Variants in DMD observed in about 807,000 individuals in gnomAD.
The protein encoded by DMD is mutant dystrophin.
Under a neutral mutation model 330.1 loss-of-function variants are expected in DMD, and 63 were observed. That is an observed-to-expected ratio of 0.19 (90% CI 0.16 to 0.24). DMD has a LOEUF of 0.24. DMD is among the 10% of genes least tolerant of loss of function. DMD has a pLI of 1.00. For missense variants in DMD, 3,344 were observed against 2,684.1 expected, an observed-to-expected ratio of 1.25 and a Z score of -5.43; for synonymous variants, 1,223 against 959.8, an observed-to-expected ratio of 1.27 and a Z score of -5.07.
chrX:31,241,985 G>A (rs1028022624), intron 63 of DMD, among the ~76,000 whole-genome samples: 5 of 110,848 alleles, frequency 4.5e-5, no homozygotes, highest in Non-Finnish European at 7.6e-5. Flanking sequence ...GGCCAGGCGC[G>A]GTGGCTCATT....
chrX:31,904,729 T>G (rs1413339583), intron 47 of DMD, among the ~76,000 whole-genome samples: 1 of 111,286 alleles, frequency 9.0e-6, no homozygotes. Context: ...AGCTTTCAAA[T>G]GAGACCCTAG....
chrX:31,946,780 C>T (rs995921959), intron 45 of DMD, among the ~76,000 whole-genome samples: 21 of 108,830 alleles, frequency 1.9e-4, no homozygotes, highest in African/African-American at 5.0e-4. Context: ...TGTATGTTTA[C>T]GAAAACTGAA....
intron 9 of DMD, among the ~76,000 whole-genome samples, chrX:32,683,551 C>A (rs1422669060): frequency 9.7e-6 from 1 of 103,011 alleles, no homozygotes; most frequent in Non-Finnish European, 2.0e-5. Flanking sequence ...GGACAAAAAA[C>A]CAAACACCGC....
At chrX:31,946,966 G>C (rs141342748) in intron 45 of DMD, among the ~76,000 whole-genome samples, 2,238 of 110,750 alleles carry the variant, frequency 0.02, 61 homozygotes, top group African/African-American at 0.07. Context: ...TAAAATAAAA[G>C]GCCATTAACG....
chrX:32,423,612 C>T (rs924414845), intron 29 of DMD, among the ~76,000 whole-genome samples: 7 of 110,021 alleles, frequency 6.4e-5, no homozygotes, highest in South Asian at 3.8e-4. Context: ...TATAATATTT[C>T]GGAAAAGTAA....
chrX:32,298,976 C>T (rs756710311), intron 42 of DMD, among the ~76,000 whole-genome samples: 1 of 111,177 alleles, frequency 9.0e-6, no homozygotes, highest in East Asian at 2.9e-4. Context: ...GGTTCTGTTG[C>T]CATGGTGGGA....
In DMD at chrX:31,280,828, T is replaced by C. The variant is rs191095550; in HGVS notation, c.9225-19812A>G. ...TTAAAGGTTAATGAATTATATCCTCTCATCCAATACAGAAATTGCCTTTAG... is the reference window on the plus strand; with the variant it reads ...TTAAAGGTTAATGAATTATATCCTCCCATCCAATACAGAAATTGCCTTTAG... On this transcript the variant is annotated intron_variant, in intron 62 of 78. Transcript: ENST00000357033. Among the ~76,000 whole-genome samples, 82 of 111,934 alleles carry C rather than the reference T, an allele frequency of 7.3e-4. 1 individual carries two copies. Among genetic ancestry groups the C allele is most frequent in the Non-Finnish European group, 1.4e-3 (76 of 53,174 alleles).
In DMD at chrX:32,777,529, T is replaced by C. The variant is rs766365344; in HGVS notation, c.649+31964A>G. Among the ~76,000 whole-genome samples, 65 of 110,861 alleles carry C rather than the reference T, an allele frequency of 5.9e-4. No homozygotes were observed. The Middle Eastern group carries it at 0.019, about 32-fold the overall frequency. On this transcript the variant is annotated intron_variant, in intron 7 of 78. Transcript: ENST00000357033. ...TTATTTCAGTCATTGGGGAAAGTTA[T>C]GCTTCCTTCAGATGGGGTGATTAGA...
intron 1 of DMD, among the ~76,000 whole-genome samples, chrX:33,205,357 G>A (rs2051505820): frequency 8.9e-6 from 1 of 112,195 alleles, no homozygotes; most frequent in African/African-American, 3.2e-5. Flanking sequence ...ATGAAAATAC[G>A]TGGGCCATTC....
chrX:33,103,960 C>T (rs113121706), intron 1 of DMD, among the ~76,000 whole-genome samples: 4,976 of 111,356 alleles, frequency 0.045, 260 homozygotes, highest in African/African-American at 0.15. Flanking sequence ...AGAACGATAA[C>T]TCAAATTTAA....
At chrX:32,172,497 C>T (rs1197547272) in intron 44 of DMD, among the ~76,000 whole-genome samples, 1 of 111,857 alleles carries the variant, frequency 8.9e-6, no homozygotes, top group African/African-American at 3.2e-5. Flanking sequence ...CTCCCTCTCC[C>T]TTCTCTCAAC....
chrX:32,252,534 A>G (rs1449499113), intron 43 of DMD, among the ~76,000 whole-genome samples: 1 of 99,508 alleles, frequency 1.0e-5, no homozygotes, highest in Non-Finnish European at 2.0e-5. Context: ...AAATGAATAC[A>G]GAAATAAAAA....
At chrX:32,992,275 A>G (rs1407182075) in intron 2 of DMD, among the ~76,000 whole-genome samples, 1 of 112,046 alleles carries the variant, frequency 8.9e-6, no homozygotes, top group Non-Finnish European at 1.9e-5. Flanking sequence ...CAGTTTAAAA[A>G]TCCAAACAAT....
chrX:32,438,203 C>T, intron 29 of DMD, 38 bp downstream of exon 29: 3 of 1,194,676 alleles, frequency 2.5e-6, no homozygotes, highest in East Asian at 5.9e-5. Flanking sequence ...TACATTAATG[C>T]AAATTAGATT....
chrX:33,190,974 AATAT>A (rs2050583645), intron 1 of DMD, among the ~76,000 whole-genome samples: 29 of 931 alleles, frequency 0.031, 3 homozygotes, highest in East Asian at 0.22. Context: ...TATAATATAT[AATAT>A]TATATATATA....
rs769589346 is a variant in DMD, at chrX:32,403,315, G to A, written c.4233+8437C>T. On this transcript the variant is annotated intron_variant, in intron 30 of 78. Transcript: ENST00000357033. ...TCAAAATATTCAGAGTGTTGCAATA[G>A]TGTTCACTGTGGCTGTAGCGTGAAG... 5.0e-3 allele frequency among the ~76,000 whole-genome samples: 556 copies of A among 111,511 alleles called. 3 individuals are homozygous for A. The highest frequency in any genetic ancestry group is 0.017 in the African/African-American group (537 of 30,792).
chrX:32,050,707 T>C (rs761253313), intron 44 of DMD, among the ~76,000 whole-genome samples: 1 of 111,430 alleles, frequency 9.0e-6, no homozygotes, highest in Non-Finnish European at 1.9e-5. Flanking sequence ...AGATAATAGA[T>C]GTTTTTCATC....
At chrX:31,988,538 A>C (rs2095527677) in intron 44 of DMD, among the ~76,000 whole-genome samples, 1 of 108,651 alleles carries the variant, frequency 9.2e-6, no homozygotes, top group Non-Finnish European at 1.9e-5. Flanking sequence ...AGCAACACTA[A>C]GAATAATACA....
At chrX:31,929,565 C>T in intron 47 of DMD, 31 bp downstream of exon 47, 11 of 1,205,921 alleles carry the variant, frequency 9.1e-6, no homozygotes, top group Non-Finnish European at 1.2e-5. Context: ...ACATTTAACA[C>T]ATGTGACGGA....
Sources: gnomAD v4.1 joint callset for allele counts (sites outside exome capture counted in the v4.1 genomes callset) on GRCh38, gnomAD v4.1.1 for gene constraint, MANE v1.5 for transcripts, NCBI Gene and HGNC (gene_info 2026-07-23, HGNC 2026-07-21) for gene names.